NARS2: variants seen among roughly 807,000 people sequenced by gnomAD.
The protein encoded by NARS2 is asparaginyl-tRNA synthetase 2, mitochondrial.
In NARS2, 60 loss-of-function variants were observed where a neutral mutation model predicts 62.9. That is an observed-to-expected ratio of 0.95 (90% CI 0.77 to 1.18). The LOEUF (loss-of-function observed/expected upper bound fraction) is 1.18. Among genes scored for constraint, NARS2 ranks in the 50% most tolerant of loss-of-function variants. NARS2 has a pLI of 0.00. For synonymous variants in NARS2, 196 were observed against 200.0 expected, an observed-to-expected ratio of 0.98 and a Z score of 0.17; for missense variants, 619 against 576.4, an observed-to-expected ratio of 1.07 and a Z score of -0.76.
intron 5 of NARS2, among the ~76,000 whole-genome samples, chr11:78,543,408 T>C (rs371973809): frequency 1.3e-5 from 2 of 152,112 alleles, no homozygotes; most frequent in South Asian, 4.1e-4. Context: ...CCCTAAAGAG[T>C]ATAAACTCAA....
At chr11:78,529,415 T>A (rs1011098133) in intron 5 of NARS2, among the ~76,000 whole-genome samples, 1 of 152,202 alleles carries the variant, frequency 6.6e-6, no homozygotes, top group Non-Finnish European at 1.5e-5. Flanking sequence ...TTATGAACTT[T>A]CAAAAACAGT....
At chr11:78,573,252 AT>A (rs1856994879) in intron 1 of NARS2, 1 of 152,240 alleles carries the variant, frequency 6.6e-6, no homozygotes, top group Non-Finnish European at 1.5e-5. Flanking sequence ...AGTATTTATT[AT>A]AACAACATCT....
At chr11:78,529,055 G>GA in intron 5 of NARS2, 119 bp from the exon 6 acceptor site, 1 of 669,010 alleles carries the variant, frequency 1.5e-6, no homozygotes, top group Non-Finnish European at 2.5e-6. Context: ...AAGGCAGGTT[G>GA]TTCTCAGGAA....
rs1022433478 is a variant in NARS2 at position 78,548,145 on chromosome 11, T to C, written c.594+11394A>G. On this transcript the variant is annotated intron_variant, in intron 5 of 13. Coordinates refer to ENST00000281038, the MANE Select transcript of NARS2 (RefSeq NM_024678.6). ...TGGGAGGACTGCTTGAGCCCAGGAG[T>C]TGGACGTTGCACTGAGCGATGACAG... 6.6e-5 allele frequency among the ~76,000 whole-genome samples: 10 copies of C among 151,932 alleles called. No homozygotes were observed. The South Asian group carries it at 1.9e-3, about 28-fold the overall frequency.
At chr11:78,545,524 CTTTTT>C (rs888860047) in intron 5 of NARS2, among the ~76,000 whole-genome samples, 1 of 134,850 alleles carries the variant, frequency 7.4e-6, no homozygotes, top group African/African-American at 2.8e-5. Context: ...ATGCTTTTTC[CTTTTT>C]TTTTTTTTTT....
chr11:78,539,365 A>G (rs1590833161), intron 5 of NARS2, among the ~76,000 whole-genome samples: 1 of 152,166 alleles, frequency 6.6e-6, no homozygotes, highest in African/African-American at 2.4e-5. Context: ...CAGGCAGGGG[A>G]GGTATGAATT....
chr11:78,452,251 G>A (rs1388478187), intron 11 of NARS2, among the ~76,000 whole-genome samples: 2 of 151,922 alleles, frequency 1.3e-5, no homozygotes, highest in African/African-American at 4.8e-5. Flanking sequence ...GGGACTACAG[G>A]AGCTCGCCAC....
rs769693580 is a variant in NARS2 at position 78,465,877 on chromosome 11, G to A, written c.1163C>T (p.Thr388Met). ...MRDNEDGPQH[T>M]VAAVDLLVPG... Reference sequence around the variant, plus strand: ...AATTTATTTAGTATCTCTTCTTACCGTGTGCTGAGGGCCATCTTCATTATC... The same window carrying A: ...AATTTATTTAGTATCTCTTCTTACCATGTGCTGAGGGCCATCTTCATTATC... Residue 388 changes from threonine (T) to methionine (M), a missense_variant and splice_region_variant, in exon 11 of 14, where the codon ACG becomes ATG. Transcript: ENST00000281038. 1.5e-5 allele frequency: 25 copies of A among 1,613,848 alleles called. No homozygotes were observed. The highest frequency in any genetic ancestry group is 2.0e-5 in the Non-Finnish European group (24 of 1,179,930).
At chr11:78,565,686 C>T (rs978559779) in intron 4 of NARS2, among the ~76,000 whole-genome samples, 1 of 152,094 alleles carries the variant, frequency 6.6e-6, no homozygotes, top group Non-Finnish European at 1.5e-5. Flanking sequence ...AGGGAAAGAA[C>T]CATCTAAAAA....
intron 9 of NARS2, among the ~76,000 whole-genome samples, chr11:78,474,911 CT>C (rs375232248): frequency 7.4e-5 from 11 of 149,066 alleles, no homozygotes; most frequent in East Asian, 3.9e-4. Flanking sequence ...ACATGCTTCA[CT>C]TTTTTTTTTG....
chr11:78,511,982 C>G (rs7125628), intron 6 of NARS2, among the ~76,000 whole-genome samples: 107,470 of 152,040 alleles, frequency 0.71, 39,124 homozygotes, highest in Non-Finnish European at 0.81. Flanking sequence ...TGTATAAAAG[C>G]AGAAGTATCA....
intron 5 of NARS2, among the ~76,000 whole-genome samples, chr11:78,558,029 T>C (rs981691108): frequency 1.3e-5 from 2 of 152,054 alleles, no homozygotes; most frequent in African/African-American, 2.4e-5. Flanking sequence ...CAGCCATTTA[T>C]TGAATATTCA....
At chr11:78,550,501 A>G (rs1856058236) in intron 5 of NARS2, among the ~76,000 whole-genome samples, 1 of 152,156 alleles carries the variant, frequency 6.6e-6, no homozygotes, top group Admixed American at 6.5e-5. Flanking sequence ...ATTTTAAAAA[A>G]TTTGTTGTAA....
At chr11:78,454,687 C>T (rs550168743) in intron 11 of NARS2, among the ~76,000 whole-genome samples, 7 of 151,110 alleles carry the variant, frequency 4.6e-5, no homozygotes, top group South Asian at 4.2e-4. Context: ...GGCGTGATCT[C>T]GGCTCACTGC....
chr11:78,556,474 A>G (rs1203883115), intron 5 of NARS2, among the ~76,000 whole-genome samples: 3 of 152,232 alleles, frequency 2.0e-5, no homozygotes, highest in African/African-American at 7.2e-5. Flanking sequence ...TCAGAAGAGG[A>G]GTAACAGCCA....
At chr11:78,503,673 C>T (rs560707087) in intron 6 of NARS2, among the ~76,000 whole-genome samples, 1 of 152,330 alleles carries the variant, frequency 6.6e-6, no homozygotes, top group African/African-American at 2.4e-5. Flanking sequence ...TTTTCTAATA[C>T]TCTTGACAGA....
chr11:78,566,210 A>G lies in NARS2; in HGVS notation c.435T>C (p.Phe145=), dbSNP rs1318802661. 5.0e-6 allele frequency: 8 copies of G among 1,612,582 alleles called. No homozygotes were observed. In the African/African-American group the frequency reaches 5.3e-5, roughly 11 times the overall value. The change falls in exon 4 of 14, where the codon TTT becomes TTC. Residue 145 remains phenylalanine (F), a synonymous_variant. Transcript: ENST00000281038. ...AACCCAGAACGTTAGTCCTACACCT[A>G]AAGTGAGGATATTGTCGCAGATACT... ...PLEYLRQYPH[F]RCRTNVLGSI...
At chr11:78,486,830 G>T (rs1185548580) in intron 7 of NARS2, among the ~76,000 whole-genome samples, 3 of 152,018 alleles carry the variant, frequency 2.0e-5, no homozygotes, top group Non-Finnish European at 4.4e-5. Context: ...TTTGATGCAG[G>T]TATTATAAAC....
intron 11 of NARS2, among the ~76,000 whole-genome samples, chr11:78,457,601 G>A (rs566456237): frequency 6.6e-6 from 1 of 152,314 alleles, no homozygotes; most frequent in South Asian, 2.1e-4. Flanking sequence ...TTAGCTCTGA[G>A]AAGCTATATA....
Sources: allele counts gnomAD v4.1 joint callset (sites outside exome capture counted in the v4.1 genomes callset), GRCh38; gene constraint gnomAD v4.1.1; transcripts MANE v1.5; gene names NCBI Gene and HGNC (gene_info 2026-07-23, HGNC 2026-07-21).